ESRRG: variants seen among roughly 807,000 people sequenced by gnomAD.
The protein encoded by ESRRG is estrogen-related receptor gamma.
A neutral mutation model predicts 44.0 loss-of-function variants in ESRRG; 13 were observed. That is an observed-to-expected ratio of 0.30 (90% CI 0.19 to 0.47). ESRRG has a LOEUF of 0.47. Among genes scored for constraint, ESRRG ranks in the 20% least tolerant of loss-of-function variants. The pLI is 1.00. For synonymous variants in ESRRG, 215 were observed against 214.6 expected (o/e 1.00, Z -0.02); for missense variants, 395 against 580.6 (o/e 0.68, Z 3.29).
chr1:216,663,357 A>C (rs1363020512), intron 2 of ESRRG, among the ~76,000 whole-genome samples: 1 of 152,184 alleles, frequency 6.6e-6, no homozygotes, highest in African/African-American at 2.4e-5. Flanking sequence ...AACTGTAAAT[A>C]GTATGCACTG....
chr1:216,935,837 G>A (rs1164277959), intron 2 of ESRRG, among the ~76,000 whole-genome samples: 2 of 151,962 alleles, frequency 1.3e-5, no homozygotes, highest in African/African-American at 4.8e-5. Context: ...GGCTGGTCTT[G>A]AACTCCTGAC....
chr1:217,110,241 T>C (rs2092646241), intron 1 of ESRRG, among the ~76,000 whole-genome samples: 1 of 152,220 alleles, frequency 6.6e-6, no homozygotes, highest in African/African-American at 2.4e-5. Context: ...CAACTACTAG[T>C]TAATCAGAGT....
intron 1 of ESRRG, among the ~76,000 whole-genome samples, chr1:216,992,484 G>A (rs1182804167): frequency 6.6e-6 from 1 of 152,088 alleles, no homozygotes; most frequent in South Asian, 2.1e-4. Context: ...ACATTGTTTT[G>A]TTCCTCAGTA....
chr1:216,733,773 C>T (rs2089327196), intron 2 of ESRRG, among the ~76,000 whole-genome samples: 1 of 151,956 alleles, frequency 6.6e-6, no homozygotes, highest in African/African-American at 2.4e-5. Context: ...GGCGGATCAC[C>T]TGAAGTCAGG....
chr1:217,051,212 G>GGGT (rs1553259329), intron 1 of ESRRG, among the ~76,000 whole-genome samples: 3 of 124,082 alleles, frequency 2.4e-5, no homozygotes, highest in African/African-American at 8.5e-5. Context: ...GGCGGGGGGG[G>GGGT]GGGGTGCCAG....
intron 2 of ESRRG, among the ~76,000 whole-genome samples, chr1:216,790,708 T>A (rs1393390583): frequency 6.6e-6 from 1 of 152,088 alleles, no homozygotes; most frequent in Non-Finnish European, 1.5e-5. Flanking sequence ...CAAAATAAAT[T>A]TGAGGACCAG....
intron 6 of ESRRG, among the ~76,000 whole-genome samples, chr1:216,517,059 T>C (rs577156600): frequency 6.6e-6 from 1 of 152,274 alleles, no homozygotes; most frequent in Non-Finnish European, 1.5e-5. Flanking sequence ...TCTGATTCAA[T>C]TGATTTTTCT....
intron 2 of ESRRG, among the ~76,000 whole-genome samples, chr1:216,910,779 T>C (rs2060218854): frequency 6.6e-6 from 1 of 152,200 alleles, no homozygotes; most frequent in Admixed American, 6.5e-5. Flanking sequence ...CACTCCTTAA[T>C]AGGATTTTTA....
chr1:216,735,956 C>T (rs908241662), intron 2 of ESRRG, among the ~76,000 whole-genome samples: 3 of 134,564 alleles, frequency 2.2e-5, no homozygotes, highest in African/African-American at 5.6e-5. Context: ...CCAGCCTAGG[C>T]GACAGAGCAA....
rs769553632 is a variant in ESRRG, at chr1:216,857,362, GA to G, written c.-14+82219del. Among the ~76,000 whole-genome samples the G allele has an allele frequency of 9.0e-3, 1,127 of 125,132 alleles. 7 individuals are homozygous for G. The highest frequency in any genetic ancestry group is 0.027 in the South Asian group (107 of 3,960). The allele number at this position is 125,132 out of a possible 152,430, so 82.1% of individuals were successfully genotyped here. ...CTATTCTCCCTTAACCACCCTTTGG[GA>G]AAAAAAAAAAAAAGAAAAAAACTTT... On this transcript the variant is annotated intron_variant, in intron 2 of 7. Transcript: ENST00000359162.
intron 1 of ESRRG, among the ~76,000 whole-genome samples, chr1:216,950,081 G>A (rs2066709677): frequency 6.6e-6 from 1 of 152,134 alleles, no homozygotes; most frequent in East Asian, 1.9e-4. Flanking sequence ...CCAAAGTGCT[G>A]GGATTATAGG....
At chr1:217,108,436 G>A (rs540888695) in intron 1 of ESRRG, among the ~76,000 whole-genome samples, 11 of 152,084 alleles carry the variant, frequency 7.2e-5, no homozygotes, top group African/African-American at 2.2e-4. Context: ...TACAATCTTC[G>A]AGGATGGGAA....
At chr1:217,051,154 G>T (rs943394008) in intron 1 of ESRRG, among the ~76,000 whole-genome samples, 2 of 144,874 alleles carry the variant, frequency 1.4e-5, no homozygotes, top group South Asian at 2.3e-4. Flanking sequence ...CAGCAGTTAC[G>T]TGTCCTCAGG....
At position 216,690,046 on chromosome 1, in the gene ESRRG, T is replaced by G. The variant is rs962473947; in HGVS notation, c.57-12555A>C. Among the ~76,000 whole-genome samples the G allele has an allele frequency of 1.3e-5, 2 of 152,028 alleles. 1 individual carries two copies. Among genetic ancestry groups the G allele is most frequent in the South Asian group, 4.1e-4 (2 of 4,830 alleles). ...GGGTATAAAATTGGAAAAAAAAGTT[T>G]GGAAGTTTCTAATAAAGTTAAATGG... On this transcript the variant is annotated intron_variant, in intron 1 of 6. Coordinates refer to ENST00000408911, the MANE Select transcript of ESRRG (RefSeq NM_001438.4).
intron 1 of ESRRG, among the ~76,000 whole-genome samples, chr1:217,077,737 A>G (rs909095496): frequency 2.6e-5 from 4 of 152,230 alleles, no homozygotes; most frequent in African/African-American, 7.2e-5. Context: ...TGAGAGCAAG[A>G]ACAGTACAAA....
At chr1:217,026,074 G>A (rs978951792) in intron 1 of ESRRG, among the ~76,000 whole-genome samples, 1 of 152,136 alleles carries the variant, frequency 6.6e-6, no homozygotes, top group African/African-American at 2.4e-5. Context: ...ACCCGTGCAT[G>A]GTGACTTAAC....
intron 2 of ESRRG, among the ~76,000 whole-genome samples, chr1:216,837,199 G>A (rs1465549785): frequency 1.3e-5 from 2 of 151,912 alleles, no homozygotes; most frequent in Non-Finnish European, 2.9e-5. Context: ...CACGAGGTCA[G>A]GAGATCGAGA....
intron 2 of ESRRG, among the ~76,000 whole-genome samples, chr1:216,871,363 C>G (rs1350283743): frequency 4.0e-5 from 6 of 151,838 alleles, no homozygotes; most frequent in Admixed American, 3.3e-4. Context: ...CATTTTTTTG[C>G]ATTTTAAACA....
Position 216,942,967 on chromosome 1 carries a change from G to C in ESRRG, c.-105-3294C>G, listed in dbSNP as rs577886868. Among the ~76,000 whole-genome samples, 6 of 152,180 alleles carry C rather than the reference G, an allele frequency of 3.9e-5. No homozygotes were observed. The South Asian group carries it at 1.2e-3, about 32-fold the overall frequency. On this transcript the variant is annotated intron_variant, in intron 1 of 7. Coordinates refer to the ESRRG transcript ENST00000359162. ...AATAACCAGTTTTAAAATGTAGACT[G>C]ACACACAACTCACAACTGTTTTGTA...
Sources: gnomAD v4.1 joint callset for allele counts (sites outside exome capture counted in the v4.1 genomes callset) on GRCh38, gnomAD v4.1.1 for gene constraint, MANE v1.5 for transcripts, NCBI Gene and HGNC (gene_info 2026-07-23, HGNC 2026-07-21) for gene names.